Variants in MAGI2 observed in about 807,000 individuals in gnomAD.
MAGI2 encodes membrane associated guanylate kinase, WW and PDZ domain containing 2.
In MAGI2, 35 loss-of-function variants were observed where a neutral mutation model predicts 133.3. That is an observed-to-expected ratio of 0.26 (90% CI 0.20 to 0.35). MAGI2 has a LOEUF of 0.35. MAGI2 is among the 10% of genes least tolerant of loss of function. The pLI, the probability that MAGI2 is intolerant of heterozygous loss-of-function variation, is 1.00. For synonymous variants in MAGI2, 729 were observed against 710.6 expected (o/e 1.03, Z -0.41); for missense variants, 1,636 against 1,863.4 (o/e 0.88, Z 2.25).
intron 4 of MAGI2, among the ~76,000 whole-genome samples, chr7:78,505,386 C>T (rs1036415522): frequency 3.3e-5 from 5 of 152,086 alleles, no homozygotes; most frequent in African/African-American, 1.2e-4. Context: ...ATGATAGAGT[C>T]TCCTAGCTGA....
At chr7:78,906,158 T>A (rs1415503238) in intron 2 of MAGI2, among the ~76,000 whole-genome samples, 2 of 152,186 alleles carry the variant, frequency 1.3e-5, no homozygotes, top group East Asian at 1.9e-4. Flanking sequence ...AATGTAGGCA[T>A]GTTGATTGTT....
chr7:78,173,589 T>C (rs559541670), intron 14 of MAGI2, among the ~76,000 whole-genome samples: 152 of 152,362 alleles, frequency 1.0e-3, no homozygotes, highest in Middle Eastern at 3.4e-3. Flanking sequence ...GCCTAATATT[T>C]ATTTTATAGT....
chr7:78,284,037 G>T (rs1297763776), intron 9 of MAGI2, among the ~76,000 whole-genome samples: 2 of 151,964 alleles, frequency 1.3e-5, no homozygotes, highest in African/African-American at 4.8e-5. Flanking sequence ...AGTACCACAA[G>T]GTGATAAATG....
At chr7:78,381,985 A>G (rs1401803986) in intron 6 of MAGI2, among the ~76,000 whole-genome samples, 1 of 152,132 alleles carries the variant, frequency 6.6e-6, no homozygotes, top group Non-Finnish European at 1.5e-5. Flanking sequence ...TTTTAAGCAA[A>G]CAAACAAAGT....
chr7:78,625,670 CA>C (rs1808267604), intron 3 of MAGI2, among the ~76,000 whole-genome samples: 1 of 152,160 alleles, frequency 6.6e-6, no homozygotes, highest in Non-Finnish European at 1.5e-5. Flanking sequence ...TGGACTCACC[CA>C]GAGCAACTTA....
chr7:78,883,428 G>T (rs116587980), intron 2 of MAGI2, among the ~76,000 whole-genome samples: 1 of 151,928 alleles, frequency 6.6e-6, no homozygotes, highest in Admixed American at 6.6e-5. Flanking sequence ...TGAAATAACT[G>T]ATATCATTAA....
chr7:78,291,067 G>C (rs984179575), intron 9 of MAGI2, among the ~76,000 whole-genome samples: 1 of 152,070 alleles, frequency 6.6e-6, no homozygotes, highest in Non-Finnish European at 1.5e-5. Context: ...GTTAGCAGAA[G>C]GTAAGAAATA....
intron 2 of MAGI2, among the ~76,000 whole-genome samples, chr7:78,811,098 G>A (rs1001787235): frequency 6.6e-6 from 1 of 151,752 alleles, no homozygotes; most frequent in Non-Finnish European, 1.5e-5. Context: ...GAGTCTGGTT[G>A]TTTTAAAAAT....
chr7:78,961,797 ATG>A (rs1340373744), intron 2 of MAGI2, among the ~76,000 whole-genome samples: 1 of 152,124 alleles, frequency 6.6e-6, no homozygotes. Flanking sequence ...TATCTGAGAA[ATG>A]TGTCTGTAGT....
chr7:78,073,197 G>A (rs769322252), intron 21 of MAGI2, among the ~76,000 whole-genome samples: 3 of 152,032 alleles, frequency 2.0e-5, no homozygotes, highest in Non-Finnish European at 2.9e-5. Flanking sequence ...CTTACAAAAC[G>A]TAAACAATTT....
chr7:78,606,998 C>T (rs528680631), intron 3 of MAGI2, among the ~76,000 whole-genome samples: 29 of 152,180 alleles, frequency 1.9e-4, no homozygotes, highest in African/African-American at 6.3e-4. Flanking sequence ...CCTGGCAAGC[C>T]CCTGGATATT....
At chr7:78,480,198 A>G (rs755206091) in intron 6 of MAGI2, among the ~76,000 whole-genome samples, 14 of 151,840 alleles carry the variant, frequency 9.2e-5, no homozygotes, top group Non-Finnish European at 1.5e-4. Flanking sequence ...TGTAATTAAA[A>G]TCCTCTTGAA....
intron 2 of MAGI2, among the ~76,000 whole-genome samples, chr7:78,741,895 G>A (rs966044192): frequency 1.3e-5 from 2 of 152,000 alleles, no homozygotes; most frequent in Admixed American, 1.3e-4. Flanking sequence ...TACTTGCCTT[G>A]TCAGTCATGC....
intron 3 of MAGI2, among the ~76,000 whole-genome samples, chr7:78,603,819 C>A (rs1007999626): frequency 5.9e-5 from 9 of 152,118 alleles, no homozygotes; most frequent in African/African-American, 2.2e-4. Flanking sequence ...CCCCGCCCAG[C>A]CAATATTTCT....
At chr7:78,471,924 CA>C (rs891881085) in intron 6 of MAGI2, among the ~76,000 whole-genome samples, 96 of 137,254 alleles carry the variant, frequency 7.0e-4, no homozygotes, top group Non-Finnish European at 6.5e-4. Context: ...GACTCCATCT[CA>C]AAAAAAAAAA....
chr7:78,202,682 CAAAAA>C (rs59358280), intron 10 of MAGI2, among the ~76,000 whole-genome samples: 1 of 70,532 alleles, frequency 1.4e-5, no homozygotes, highest in Non-Finnish European at 2.5e-5. Flanking sequence ...GACTCTGTCT[CAAAAA>C]AAAAAAAAAA....
At chr7:78,783,018 T>C (rs1826521088) in intron 2 of MAGI2, among the ~76,000 whole-genome samples, 1 of 148,728 alleles carries the variant, frequency 6.7e-6, no homozygotes, top group South Asian at 2.1e-4. Context: ...TTACCTTTTT[T>C]TTTTTTTTTT....
chr7:78,114,978 C>T (rs563241645), intron 20 of MAGI2, among the ~76,000 whole-genome samples: 7 of 152,174 alleles, frequency 4.6e-5, no homozygotes, highest in Non-Finnish European at 8.8e-5. Context: ...GTAACTTGGT[C>T]GTTAAAGGTA....
At chr7:78,790,976 T>TAG (rs1827199598) in intron 2 of MAGI2, among the ~76,000 whole-genome samples, 1 of 152,134 alleles carries the variant, frequency 6.6e-6, no homozygotes, top group African/African-American at 2.4e-5. Flanking sequence ...CTCCAAATAA[T>TAG]ACAGTCAAAC....
Sources: allele counts gnomAD v4.1 joint callset (sites outside exome capture counted in the v4.1 genomes callset), GRCh38; gene constraint gnomAD v4.1.1; transcripts MANE v1.5; gene names NCBI Gene and HGNC (gene_info 2026-07-23, HGNC 2026-07-21).